Variants in ZNF560 observed in about 807,000 individuals in gnomAD.
ZNF560 encodes the protein zinc finger protein 560.
Under a neutral mutation model 81.8 loss-of-function variants are expected in ZNF560, and 54 were observed. That is an observed-to-expected ratio of 0.66 (90% CI 0.53 to 0.83). ZNF560 has a LOEUF of 0.83. ZNF560 is among the 40% of genes least tolerant of loss of function. ZNF560 has a pLI of 0.00. For missense variants in ZNF560, 940 were observed against 932.4 expected (o/e 1.01, Z -0.11); for synonymous variants, 321 against 317.9 (o/e 1.01, Z -0.10).
At chr19:9,499,905 T>TATACGG (rs1483094257), upstream of ZNF560, among the ~76,000 whole-genome samples, 2 of 152,226 alleles carry the variant, frequency 1.3e-5, no homozygotes, top group Non-Finnish European at 2.9e-5. Flanking sequence ...GATACAAAAC[T>TATACGG]AATTTTCATC....
chr19:9,470,019 GA>G (rs1157352052), intron 7 of ZNF560: 1 of 427,406 alleles, frequency 2.3e-6, no homozygotes, highest in East Asian at 3.9e-5. Flanking sequence ...GAAACTAATG[GA>G]AGCTCAAAGA....
chr19:9,449,045 A>G, the ZNF560 span, among the ~76,000 whole-genome samples: 1 of 152,250 alleles, frequency 6.6e-6, no homozygotes. Flanking sequence ...ACAGACAGCC[A>G]AACAAGAATA....
chr19:9,466,635 T>A lies in ZNF560; in HGVS notation c.2312A>T (p.Asp771Val), dbSNP rs1360207432. 1 of 1,613,278 alleles carries A rather than the reference T, an allele frequency of 6.2e-7. No homozygotes were observed. ...AGAAGCAAAGGCTTTCCCACACTGG[T>A]CACATTCAAAGGGTTTCTCTCCCAT... ...THMGEKPFECDQCGKAFASFS... is the reference protein window; with the variant it reads ...THMGEKPFECVQCGKAFASFS... The change falls in exon 10 of 10, where the codon GAC becomes GTC. Residue 771 changes from aspartate to valine, a missense_variant. Coordinates refer to ENST00000301480, the MANE Select transcript of ZNF560 (RefSeq NM_152476.3).
At chr19:9,474,428 T>A in intron 3 of ZNF560, 103 bp from the exon 4 acceptor site, 1 of 1,271,246 alleles carries the variant, frequency 7.9e-7, no homozygotes, top group Non-Finnish European at 1.1e-6. Context: ...AGTTGTGAGG[T>A]CTCTCATTAT....
chr19:9,474,084 G>T, intron 4 of ZNF560, 115 bp downstream of exon 4: 1 of 1,190,272 alleles, frequency 8.4e-7, no homozygotes, highest in Middle Eastern at 2.6e-4. Context: ...GACCTATTAT[G>T]GCAGGGACAA....
chr19:9,485,549 AT>A (rs762144861), intron 2 of ZNF560, among the ~76,000 whole-genome samples: 208 of 141,064 alleles, frequency 1.5e-3, no homozygotes, highest in Non-Finnish European at 1.4e-3. Context: ...TAACCAAAAG[AT>A]TTTTTTTTTT....
chr19:9,492,987 A>G (rs1012364434), intron 2 of ZNF560, among the ~76,000 whole-genome samples: 1 of 152,184 alleles, frequency 6.6e-6, no homozygotes, highest in East Asian at 1.9e-4. Context: ...CATTAAACCA[A>G]GAAGAAAAAG....
chr19:9,456,612 T>C, the ZNF560 span, among the ~76,000 whole-genome samples: 1 of 152,154 alleles, frequency 6.6e-6, no homozygotes, highest in Non-Finnish European at 1.5e-5. Flanking sequence ...GAGTGGACAT[T>C]TCAATCATAT....
chr19:9,472,500 C>G (rs2073138296), intron 5 of ZNF560, among the ~76,000 whole-genome samples: 1 of 152,150 alleles, frequency 6.6e-6, no homozygotes. Flanking sequence ...CATAAAAGAG[C>G]AAAATCTATC....
At chr19:9,475,404 A>C (rs1459190643) in intron 2 of ZNF560, 35 bp from the exon 3 acceptor site, 8 of 1,276,280 alleles carry the variant, frequency 6.3e-6, no homozygotes, top group Non-Finnish European at 6.7e-6. Flanking sequence ...GCCCAGACAT[A>C]ATCACAGTTC....
chr19:9,501,489 G>C (rs112805301), upstream of ZNF560, among the ~76,000 whole-genome samples: 6,653 of 150,272 alleles, frequency 0.044, 593 homozygotes, highest in African/African-American at 0.16. Flanking sequence ...CTCTCAAGTA[G>C]CTGGGACTAC....
chr19:9,494,951 C>A (rs933118290), intron 2 of ZNF560, among the ~76,000 whole-genome samples: 3 of 149,590 alleles, frequency 2.0e-5, no homozygotes, highest in Non-Finnish European at 4.5e-5. Context: ...AAACAAAAAA[C>A]CTGCTGGTAG....
chr19:9,462,181 C>T (rs560278792), downstream of ZNF560, among the ~76,000 whole-genome samples: 13 of 152,296 alleles, frequency 8.5e-5, 1 homozygote, highest in African/African-American at 2.9e-4. Context: ...TAAACAAGAT[C>T]TCTGCAGCAC....
the ZNF560 span, among the ~76,000 whole-genome samples, chr19:9,450,174 T>A: frequency 5.7e-5 from 8 of 141,314 alleles, no homozygotes; most frequent in Non-Finnish European, 1.2e-4. Flanking sequence ...GCCTGTAATC[T>A]CAACTACTCG....
At chr19:9,505,087 A>T in the ZNF560 span, among the ~76,000 whole-genome samples, 27 of 152,164 alleles carry the variant, frequency 1.8e-4, no homozygotes, top group South Asian at 2.1e-3. Flanking sequence ...TTGTCTCAAA[A>T]AAATAAATAA....
rs1433412425 is a variant in ZNF560 at position 9,467,646 on chromosome 19, C to T, written c.1301G>A (p.Cys434Tyr). 6.2e-7 allele frequency: 1 copy of T among 1,614,126 alleles called. No homozygotes were observed. Among genetic ancestry groups the T allele is most frequent in the Non-Finnish European group, 8.5e-7 (1 of 1,180,012 alleles). The change falls in exon 10 of 10, where the codon TGT (cysteine) becomes TAT (tyrosine). Residue 434 changes from cysteine (C) to tyrosine (Y), a missense_variant. Cys to Tyr is a radical substitution (Grantham distance 194, BLOSUM62 -2). Transcript: ENST00000301480. The stretch of plus-strand genomic sequence containing the variant: ...AATAAAGGCTTTCCCACAGTGGTCA[C>T]ATTTAAAGGTTTTCTCTCTGGCGTG... ...RCHAREKTFKCDHCGKAFISY... is the reference protein window; with the variant it reads ...RCHAREKTFKYDHCGKAFISY...
intron 2 of ZNF560, among the ~76,000 whole-genome samples, chr19:9,483,439 C>T (rs2073328723): frequency 6.6e-6 from 1 of 151,740 alleles, no homozygotes; most frequent in East Asian, 2.0e-4. Flanking sequence ...GCCACCCCAT[C>T]TGGGAAGTGA....
downstream of ZNF560, among the ~76,000 whole-genome samples, chr19:9,462,140 C>T (rs1043239704): frequency 6.6e-6 from 1 of 152,172 alleles, no homozygotes; most frequent in Non-Finnish European, 1.5e-5. Flanking sequence ...AGGCCCCAAG[C>T]CTGGCCATAA....
intron 2 of ZNF560, among the ~76,000 whole-genome samples, chr19:9,483,531 GGGTGGGGGGTC>G (rs2073332191): frequency 7.0e-6 from 1 of 142,476 alleles, no homozygotes; most frequent in African/African-American, 2.6e-5. Context: ...TCCGGGAGGG[GGGTGGGGGGTC>G]AGCCCCCGCC....
Sources: allele counts gnomAD v4.1 joint callset (sites outside exome capture counted in the v4.1 genomes callset), GRCh38; gene constraint gnomAD v4.1.1; transcripts MANE v1.5; gene names NCBI Gene and HGNC (gene_info 2026-07-23, HGNC 2026-07-21).